The following LSM2 variants were observed in gnomAD, a reference collection of about 807,000 sequenced individuals.
LSM2 encodes U6 snRNA-associated Sm-like protein LSm2.
Under a neutral mutation model 17.0 loss-of-function variants are expected in LSM2, and 12 were observed. The ratio of observed to expected loss-of-function variants is 0.70; its 90% CI spans 0.45 to 1.14. The LOEUF is 1.14. Ranked by LOEUF, LSM2 falls within the 50% of genes most tolerant of loss-of-function variation. The probability of loss-of-function intolerance (pLI) is 0.00; values close to 1 mark genes in which losing one functional copy is unlikely to be tolerated. For synonymous variants in LSM2, 42 were observed against 44.5 expected, an observed-to-expected ratio of 0.94 and a Z score of 0.22; for missense variants, 62 against 111.8, an observed-to-expected ratio of 0.55 and a Z score of 2.01.
At position 31,798,517 on chromosome 6, in the gene LSM2, G is replaced by A. The variant is rs1352751740; in HGVS notation, c.72-10C>T. On this transcript the variant is annotated splice_polypyrimidine_tract_variant and intron_variant, in intron 2 of 4. Coordinates refer to ENST00000375661, the MANE Select transcript of LSM2 (RefSeq NM_021177.5). ...GAGGGTTCCACAGATGCTGTCAAGG[G>A]CAGAGGGAGAGAAGAATCAAATTAG... The A allele has an allele frequency of 6.2e-7, 1 of 1,612,800 alleles. No homozygotes were observed. The highest frequency in any genetic ancestry group is 1.1e-5 in the South Asian group (1 of 91,054).
chr6:31,798,143 G>A (rs1314362362), intron 3 of LSM2, 94 bp from the exon 4 acceptor site: 19 of 1,144,656 alleles, frequency 1.7e-5, no homozygotes, highest in Non-Finnish European at 1.1e-5. Context: ...GTGCAATGGT[G>A]CCATCTCGGC....
At chr6:31,805,257 A>T (rs1423055693) in intron 2 of LSM2, among the ~76,000 whole-genome samples, 2 of 148,456 alleles carry the variant, frequency 1.3e-5, no homozygotes, top group African/African-American at 5.0e-5. Flanking sequence ...AGGTCTCATC[A>T]CTATGTTGCC....
chr6:31,805,732 C>T (rs148453836), intron 2 of LSM2, among the ~76,000 whole-genome samples: 148 of 152,218 alleles, frequency 9.7e-4, no homozygotes, highest in East Asian at 6.4e-3. Flanking sequence ...TTCCAATACA[C>T]GATACAATCT....
Position 31,798,041 on chromosome 6 carries a change from G to A in LSM2, c.111C>T (p.Asn37=). Residue 37 remains asparagine, a synonymous_variant, in exon 4 of 5, where the codon AAC becomes AAT. Transcript: ENST00000375661. The part of the protein sequence containing the change: ...GTLHSVDQYL[N]IKLTDISVTD... Reference sequence around the variant, plus strand: ...TGACACTGATGTCAGTTAGTTTGATGTTGAGATACTAGGAAAGGAAGATGA... The same window carrying A: ...TGACACTGATGTCAGTTAGTTTGATATTGAGATACTAGGAAAGGAAGATGA... 6.3e-7 allele frequency: 1 copy of A among 1,597,622 alleles called. No individual in the cohort carries two copies. Among genetic ancestry groups the A allele is most frequent in the Non-Finnish European group, 8.5e-7 (1 of 1,174,150 alleles).
At chr6:31,798,974 G>A (rs117127906) in intron 2 of LSM2, among the ~76,000 whole-genome samples, 4 of 151,880 alleles carry the variant, frequency 2.6e-5, no homozygotes, top group Non-Finnish European at 5.9e-5. Context: ...GATCTCAGGC[G>A]ATCTGCCCAC....
chr6:31,803,763 T>C (rs1044060174), intron 2 of LSM2, among the ~76,000 whole-genome samples: 1 of 151,962 alleles, frequency 6.6e-6, no homozygotes, highest in Non-Finnish European at 1.5e-5. Context: ...GTATTTTTAG[T>C]AGAGATGGAG....
At chr6:31,801,952 A>G (rs554281446) in intron 2 of LSM2, among the ~76,000 whole-genome samples, 34 of 152,192 alleles carry the variant, frequency 2.2e-4, no homozygotes, top group Non-Finnish European at 4.3e-4. Flanking sequence ...CCTGGGCAAC[A>G]CGGCCGAGAC....
intron 2 of LSM2, among the ~76,000 whole-genome samples, chr6:31,800,150 C>T (rs1471356484): frequency 6.6e-6 from 1 of 152,026 alleles, no homozygotes; most frequent in African/African-American, 2.4e-5. Context: ...GCCTGGCCAA[C>T]ATCGTGAAAC....
At chr6:31,806,481 C>T (rs925387834) in intron 1 of LSM2, 15 of 610,338 alleles carry the variant, frequency 2.5e-5, no homozygotes, top group African/African-American at 5.6e-5. Flanking sequence ...CCTGCCGAAG[C>T]TTGCCTGGCA....
chr6:31,806,814 A>T lies in LSM2; in HGVS notation c.-57T>A. On this transcript the variant is annotated 5_prime_UTR_variant, in exon 1 of 5. Transcript: ENST00000375661. ...GGGAAGACAGCAGGGTGCTGCGAGC[A>T]GGTCTGGGGAAACCGAAGCGCGAGC... is the stretch of plus-strand genomic sequence containing the variant. 1 of 1,562,806 alleles carries T rather than the reference A, an allele frequency of 6.4e-7. No homozygotes were observed. Among genetic ancestry groups the T allele is most frequent in the Non-Finnish European group, 8.6e-7 (1 of 1,159,422 alleles).
Position 31,801,976 on chromosome 6 carries a change from A to C in LSM2, c.72-3469T>G, listed in dbSNP as rs1042491638. 4.6e-5 allele frequency among the ~76,000 whole-genome samples: 7 copies of C among 152,128 alleles called. No homozygotes were observed. In the South Asian group the frequency reaches 1.0e-3, roughly 23 times the overall value. On this transcript the variant is annotated intron_variant, in intron 2 of 4. Transcript: ENST00000375661. Reference sequence around the variant, plus strand: ...CACGGCCGAGACTCTGTCTCTATGAAAAATTTTAAAAATAATATAAAAAGG... The same window carrying C: ...CACGGCCGAGACTCTGTCTCTATGACAAATTTTAAAAATAATATAAAAAGG...
At chr6:31,806,507 G>A in intron 1 of LSM2, 1 of 634,130 alleles carries the variant, frequency 1.6e-6, no homozygotes, top group Non-Finnish European at 2.8e-6. Flanking sequence ...GTGCTCTGAG[G>A]TCTAACTTTT....
At chr6:31,797,938 A>C (rs1198323221) in intron 4 of LSM2, 52 bp downstream of exon 4, 1 of 1,612,030 alleles carries the variant, frequency 6.2e-7, no homozygotes, top group Non-Finnish European at 8.5e-7. Context: ...CTAACCACCC[A>C]GGGGCCTCCT....
chr6:31,806,814 A>C lies in LSM2; in HGVS notation c.-57T>G. The C allele has an allele frequency of 6.4e-7, 1 of 1,562,806 alleles. No homozygotes were observed. The highest frequency in any genetic ancestry group is 8.6e-7 in the Non-Finnish European group (1 of 1,159,422). The stretch of plus-strand genomic sequence containing the variant: ...GGGAAGACAGCAGGGTGCTGCGAGC[A>C]GGTCTGGGGAAACCGAAGCGCGAGC... On this transcript the variant is annotated 5_prime_UTR_variant, in exon 1 of 5. Coordinates refer to ENST00000375661, the MANE Select transcript of LSM2 (RefSeq NM_021177.5).
At chr6:31,800,473 C>A (rs1814629501) in intron 2 of LSM2, among the ~76,000 whole-genome samples, 1 of 152,184 alleles carries the variant, frequency 6.6e-6, no homozygotes, top group Non-Finnish European at 1.5e-5. Flanking sequence ...AGCGTCTAGG[C>A]CATGTGCGGT....
At chr6:31,800,997 TTAAAAA>T (rs968286131) in intron 2 of LSM2, among the ~76,000 whole-genome samples, 1 of 150,456 alleles carries the variant, frequency 6.6e-6, no homozygotes, top group African/African-American at 2.4e-5. Flanking sequence ...AAAAAAAAAT[TTAAAAA>T]TAAAATATAA....
At chr6:31,803,196 T>C (rs973821998) in intron 2 of LSM2, among the ~76,000 whole-genome samples, 2 of 152,190 alleles carry the variant, frequency 1.3e-5, no homozygotes, top group Non-Finnish European at 2.9e-5. Flanking sequence ...TTCCCTGCCC[T>C]GTCAACGTGT....
Position 31,797,596 on chromosome 6 carries a change from C to T in LSM2, c.*161G>A, listed in dbSNP as rs1215275015. 2.0e-6 allele frequency: 2 copies of T among 1,004,996 alleles called. No homozygotes were observed. The highest frequency in any genetic ancestry group is 4.8e-5 in the East Asian group (2 of 41,738). 62.3% of individuals were successfully genotyped at this position (1,004,996 alleles called of 1,614,324 possible). ...CTTCTCAAGAGAGGATAGCTGTTCC[C>T]TATTACTCCTCTCATCCACTCATCC... On this transcript the variant is annotated 3_prime_UTR_variant, in exon 5 of 5. Transcript: ENST00000375661.
intron 2 of LSM2, among the ~76,000 whole-genome samples, chr6:31,799,870 C>T (rs1004115925): frequency 2.0e-5 from 3 of 151,996 alleles, no homozygotes; most frequent in Admixed American, 1.3e-4. Context: ...AACACCAGTG[C>T]TCTTTGAGAG....
Sources: gnomAD v4.1 joint callset for allele counts (sites outside exome capture counted in the v4.1 genomes callset) on GRCh38, gnomAD v4.1.1 for gene constraint, MANE v1.5 for transcripts, NCBI Gene and HGNC (gene_info 2026-07-23, HGNC 2026-07-21) for gene names.